SLC16A7: variants seen among roughly 807,000 people sequenced by gnomAD.
The protein encoded by SLC16A7 is solute carrier family 16 member 7, also known as monocarboxylate transporter 2.
SLC16A7 carries 33 observed loss-of-function variants against 34.9 expected under a neutral mutation model. That is an observed-to-expected ratio of 0.94 (90% CI 0.72 to 1.26). The LOEUF (loss-of-function observed/expected upper bound fraction) is 1.26. Ranked by LOEUF, SLC16A7 falls within the 50% of genes most tolerant of loss-of-function variation. The pLI, the probability that SLC16A7 is intolerant of heterozygous loss-of-function variation, is 0.00. For missense variants in SLC16A7, 573 were observed against 578.1 expected, an observed-to-expected ratio of 0.99 and a Z score of 0.09; for synonymous variants, 201 against 206.6, an observed-to-expected ratio of 0.97 and a Z score of 0.23.
At chr12:59,602,479 CTTT>C (rs34035713) in intron 1 of SLC16A7, among the ~76,000 whole-genome samples, 9 of 80,260 alleles carry the variant, frequency 1.1e-4, no homozygotes, top group South Asian at 1.0e-3. Flanking sequence ...GTGTTTTGGG[CTTT>C]TTTTTTTTTT....
intron 1 of SLC16A7, among the ~76,000 whole-genome samples, chr12:59,624,553 G>T (rs1024688740): frequency 1.3e-5 from 2 of 151,680 alleles, no homozygotes; most frequent in Admixed American, 1.3e-4. Flanking sequence ...CTTTGCTGGG[G>T]TCTGGGGCAT....
intron 1 of SLC16A7, among the ~76,000 whole-genome samples, chr12:59,623,640 T>C (rs1246668855): frequency 6.6e-6 from 1 of 151,794 alleles, no homozygotes; most frequent in African/African-American, 2.4e-5. Context: ...CTTGCTAGAC[T>C]ATCTAATTAA....
chr12:59,684,462 A>G (rs780241754), intron 2 of SLC16A7, among the ~76,000 whole-genome samples: 3 of 152,146 alleles, frequency 2.0e-5, no homozygotes, highest in Non-Finnish European at 2.9e-5. Flanking sequence ...AAGGACAGCA[A>G]CCTGGTGCTC....
chr12:59,724,109 T>C (rs1380898341), intron 3 of SLC16A7, among the ~76,000 whole-genome samples: 1 of 152,102 alleles, frequency 6.6e-6, no homozygotes, highest in Non-Finnish European at 1.5e-5. Context: ...AGATACACTT[T>C]CCAAGAAACT....
chr12:59,679,292 T>C (rs1223031223), intron 2 of SLC16A7, among the ~76,000 whole-genome samples: 1 of 151,966 alleles, frequency 6.6e-6, no homozygotes, highest in Admixed American at 6.6e-5. Flanking sequence ...CAGAAGGGAG[T>C]GGGACTTCCG....
intron 1 of SLC16A7, among the ~76,000 whole-genome samples, chr12:59,627,191 T>G (rs1370987819): frequency 2.6e-5 from 4 of 151,864 alleles, no homozygotes; most frequent in Non-Finnish European, 5.9e-5. Flanking sequence ...CCAAGAGAGT[T>G]TATGCACAAT....
chr12:59,704,795 A>G lies in SLC16A7; in HGVS notation c.-7A>G. ...AGGTTACTTGAATTTCCACTAGAGGAGCAGAAATGCCACCAATGCCAAGTG... is the reference window on the plus strand; with the variant it reads ...AGGTTACTTGAATTTCCACTAGAGGGGCAGAAATGCCACCAATGCCAAGTG... On this transcript the variant is annotated 5_prime_UTR_variant, in exon 3 of 6. Transcript: ENST00000547379. The G allele has an allele frequency of 6.2e-7, 1 of 1,604,096 alleles. No individual in the cohort carries two copies. Among genetic ancestry groups the G allele is most frequent in the Middle Eastern group, 1.7e-4 (1 of 5,982 alleles).
intron 1 of SLC16A7, among the ~76,000 whole-genome samples, chr12:59,622,297 T>C (rs754841788): frequency 1.3e-5 from 2 of 151,782 alleles, no homozygotes; most frequent in Non-Finnish European, 1.5e-5. Flanking sequence ...CCGAGTACTC[T>C]TGGTAATTTA....
chr12:59,607,035 T>C (rs1878978439), intron 1 of SLC16A7, among the ~76,000 whole-genome samples: 1 of 152,206 alleles, frequency 6.6e-6, no homozygotes, highest in Non-Finnish European at 1.5e-5. Flanking sequence ...AAAGTGTTTT[T>C]GGAATATATC....
At chr12:59,679,941 T>C (rs895417067) in intron 2 of SLC16A7, among the ~76,000 whole-genome samples, 1 of 152,198 alleles carries the variant, frequency 6.6e-6, no homozygotes, top group Admixed American at 6.5e-5. Flanking sequence ...GGATCTGTAA[T>C]TGAAGACCAG....
chr12:59,691,308 A>G (rs1364534652), intron 2 of SLC16A7, among the ~76,000 whole-genome samples: 1 of 152,014 alleles, frequency 6.6e-6, no homozygotes, highest in Non-Finnish European at 1.5e-5. Flanking sequence ...AATTAGTGGC[A>G]GTCTACAAGT....
intron 2 of SLC16A7, among the ~76,000 whole-genome samples, chr12:59,674,736 G>A (rs1283597426): frequency 6.6e-6 from 1 of 152,128 alleles, no homozygotes; most frequent in Non-Finnish European, 1.5e-5. Flanking sequence ...AATAAAAAGG[G>A]CTAAAATTTA....
intron 3 of SLC16A7, chr12:59,768,127 T>G (rs1276032061): frequency 4.4e-6 from 2 of 454,204 alleles, no homozygotes; most frequent in Non-Finnish European, 8.8e-6. Flanking sequence ...AGCTTACAGC[T>G]GCCGTACATA....
At chr12:59,758,586 A>C (rs1269374309) in intron 3 of SLC16A7, among the ~76,000 whole-genome samples, 1 of 152,106 alleles carries the variant, frequency 6.6e-6, no homozygotes, top group Non-Finnish European at 1.5e-5. Flanking sequence ...AGAAACAAAA[A>C]AAGAGATAGA....
intron 3 of SLC16A7, among the ~76,000 whole-genome samples, chr12:59,770,039 T>G (rs1882071940): frequency 6.6e-6 from 1 of 152,114 alleles, no homozygotes; most frequent in Non-Finnish European, 1.5e-5. Context: ...TATTTTATAG[T>G]ACACCAAGAA....
At chr12:59,675,704 T>C (rs1423373963) in intron 2 of SLC16A7, among the ~76,000 whole-genome samples, 1 of 152,180 alleles carries the variant, frequency 6.6e-6, no homozygotes, top group Non-Finnish European at 1.5e-5. Flanking sequence ...TAATTCATGA[T>C]GTAATAAAAT....
At chr12:59,597,921 C>G (rs1184161204) in intron 1 of SLC16A7, among the ~76,000 whole-genome samples, 1 of 152,186 alleles carries the variant, frequency 6.6e-6, no homozygotes, top group African/African-American at 2.4e-5. Flanking sequence ...ACATCTGTTT[C>G]CCGATGTTCA....
chr12:59,620,130 T>C (rs778240459), intron 1 of SLC16A7, among the ~76,000 whole-genome samples: 4 of 151,888 alleles, frequency 2.6e-5, no homozygotes, highest in Non-Finnish European at 5.9e-5. Flanking sequence ...GTTGATACTG[T>C]GTGGTTTTTT....
At chr12:59,756,166 C>T (rs1880314985) in intron 3 of SLC16A7, among the ~76,000 whole-genome samples, 1 of 152,186 alleles carries the variant, frequency 6.6e-6, no homozygotes, top group South Asian at 2.1e-4. Flanking sequence ...AGAAGAAAAT[C>T]TAGGCATTAC....
Sources: gnomAD v4.1 joint callset for allele counts (sites outside exome capture counted in the v4.1 genomes callset) on GRCh38, gnomAD v4.1.1 for gene constraint, MANE v1.5 for transcripts, NCBI Gene and HGNC (gene_info 2026-07-23, HGNC 2026-07-21) for gene names.